The following COL25A1 variants were observed in gnomAD, a reference collection of about 807,000 sequenced individuals.
COL25A1 encodes the protein collagen type XXV alpha 1 chain.
A neutral mutation model predicts 128.4 loss-of-function variants in COL25A1; 103 were observed. That is an observed-to-expected ratio of 0.80 (90% CI 0.68 to 0.94). COL25A1 has a LOEUF of 0.94. COL25A1 is among the 40% of genes least tolerant of loss of function. COL25A1 has a pLI of 0.00. For synonymous variants in COL25A1, 279 were observed against 277.2 expected (o/e 1.01, Z -0.06); for missense variants, 745 against 840.0 (o/e 0.89, Z 1.40).
At chr4:109,115,555 C>T (rs1767458808) in intron 3 of COL25A1, among the ~76,000 whole-genome samples, 1 of 152,050 alleles carries the variant, frequency 6.6e-6, no homozygotes, top group Non-Finnish European at 1.5e-5. Flanking sequence ...TATCTTTCTT[C>T]TTCTATGTTG....
chr4:108,883,705 T>C (rs933327717), intron 19 of COL25A1, among the ~76,000 whole-genome samples: 5 of 152,202 alleles, frequency 3.3e-5, no homozygotes, highest in African/African-American at 1.2e-4. Flanking sequence ...TAATATGATT[T>C]GTACTTTGCA....
intron 3 of COL25A1, among the ~76,000 whole-genome samples, chr4:109,112,499 T>C (rs949358138): frequency 4.9e-5 from 5 of 103,066 alleles, no homozygotes; most frequent in African/African-American, 1.1e-4. Context: ...TTATAAAATA[T>C]TAGAAAAAAA....
chr4:108,838,271 C>T, intron 31 of COL25A1: 1 of 857,080 alleles, frequency 1.2e-6, no homozygotes, highest in South Asian at 1.5e-5. Context: ...TTGCAGATTC[C>T]AGTTTTAGGA....
intron 13 of COL25A1, among the ~76,000 whole-genome samples, chr4:108,915,365 C>CT: frequency 1.3e-5 from 2 of 151,852 alleles, no homozygotes; most frequent in Non-Finnish European, 1.5e-5. Context: ...CTCTCTCTCT[C>CT]CCTTTCTTTT....
At chr4:108,883,110 C>T (rs965707) in intron 19 of COL25A1, among the ~76,000 whole-genome samples, 3 of 152,024 alleles carry the variant, frequency 2.0e-5, no homozygotes, top group African/African-American at 7.2e-5. Flanking sequence ...GGCGTGATCT[C>T]GGCTCACTGC....
chr4:108,837,823 T>C (rs1733988806), intron 31 of COL25A1, among the ~76,000 whole-genome samples: 1 of 152,100 alleles, frequency 6.6e-6, no homozygotes, highest in East Asian at 1.9e-4. Flanking sequence ...AAGGGGACAA[T>C]GGAAGAGGAA....
At chr4:109,016,112 G>A (rs1757188035) in intron 5 of COL25A1, among the ~76,000 whole-genome samples, 2 of 152,176 alleles carry the variant, frequency 1.3e-5, no homozygotes, top group South Asian at 2.1e-4. Flanking sequence ...AACCTGGGAA[G>A]CCCCTCCTGC....
intron 3 of COL25A1, among the ~76,000 whole-genome samples, chr4:109,072,841 G>A (rs184376597): frequency 1.8e-4 from 27 of 152,276 alleles, no homozygotes; most frequent in Non-Finnish European, 3.8e-4. Flanking sequence ...TAAATCAGTT[G>A]CATAACTCTA....
chr4:109,171,490 A>C (rs1773581580), intron 3 of COL25A1, among the ~76,000 whole-genome samples: 2 of 152,234 alleles, frequency 1.3e-5, no homozygotes, highest in Admixed American at 1.3e-4. Context: ...TGTTGCTTAA[A>C]CCATCCAGAT....
At chr4:109,122,612 T>TATA (rs1349048207) in intron 3 of COL25A1, among the ~76,000 whole-genome samples, 1 of 152,068 alleles carries the variant, frequency 6.6e-6, no homozygotes, top group East Asian at 1.9e-4. Flanking sequence ...ACATGTAAGT[T>TATA]ATACCTTATA....
chr4:108,829,733 C>T (rs1732858339), intron 32 of COL25A1, among the ~76,000 whole-genome samples: 1 of 152,136 alleles, frequency 6.6e-6, no homozygotes, highest in Admixed American at 6.6e-5. Context: ...TAGAACAGCC[C>T]ACCCCCAAAA....
chr4:109,056,003 T>C (rs185124270), intron 3 of COL25A1, among the ~76,000 whole-genome samples: 3 of 152,322 alleles, frequency 2.0e-5, no homozygotes, highest in East Asian at 1.9e-4. Flanking sequence ...CAAGTTTTAA[T>C]CTCTGTGGAA....
chr4:109,210,616 C>T (rs190629966), intron 3 of COL25A1, among the ~76,000 whole-genome samples: 22 of 152,242 alleles, frequency 1.4e-4, no homozygotes, highest in South Asian at 4.1e-4. Flanking sequence ...ATCATACAAT[C>T]GTGACCTTTT....
intron 5 of COL25A1, among the ~76,000 whole-genome samples, chr4:109,015,829 C>G (rs1344792812): frequency 1.3e-5 from 2 of 152,256 alleles, no homozygotes; most frequent in African/African-American, 4.8e-5. Context: ...CAGGAGTATA[C>G]ATTACTTTAG....
chr4:109,261,465 T>G (rs999261553), intron 3 of COL25A1, among the ~76,000 whole-genome samples: 1 of 151,948 alleles, frequency 6.6e-6, no homozygotes, highest in Admixed American at 6.6e-5. Context: ...GGAGCGGAGG[T>G]TGCAATGAGC....
intron 5 of COL25A1, chr4:109,022,336 C>G (rs1560555657): frequency 9.3e-6 from 3 of 321,728 alleles, no homozygotes; most frequent in Non-Finnish European, 1.9e-5. Flanking sequence ...TATCAACCAT[C>G]TTAAAGGATA....
chr4:109,108,991 A>G (rs1320789680), intron 3 of COL25A1, among the ~76,000 whole-genome samples: 1 of 152,226 alleles, frequency 6.6e-6, no homozygotes, highest in Non-Finnish European at 1.5e-5. Context: ...TGTACAATCA[A>G]GTAAAGAAAG....
intron 3 of COL25A1, among the ~76,000 whole-genome samples, chr4:109,053,890 T>C (rs1166474525): frequency 6.6e-6 from 1 of 152,194 alleles, no homozygotes; most frequent in Non-Finnish European, 1.5e-5. Flanking sequence ...GCAGGTATCA[T>C]GTGGATAAAA....
At chr4:108,866,609 C>G (rs1267820729) in intron 20 of COL25A1, among the ~76,000 whole-genome samples, 1 of 152,202 alleles carries the variant, frequency 6.6e-6, no homozygotes. Context: ...TCTCTCCTCA[C>G]TGTGTTGGGA....
Sources: allele counts gnomAD v4.1 joint callset (sites outside exome capture counted in the v4.1 genomes callset), GRCh38; gene constraint gnomAD v4.1.1; transcripts MANE v1.5; gene names NCBI Gene and HGNC (gene_info 2026-07-23, HGNC 2026-07-21).